The following DRC8 variants were observed in gnomAD, a reference collection of about 807,000 sequenced individuals.
DRC8 encodes the protein dynein regulatory complex subunit 8, also known as dynein regulatory complex protein 8.
At chr1:245,011,445 T>C in the DRC8 span, among the ~76,000 whole-genome samples, 2 of 152,256 alleles carry the variant, frequency 1.3e-5, no homozygotes, top group African/African-American at 4.8e-5. Context: ...CCAGAATACC[T>C]GTGTCAGCTG....
At chr1:244,979,662 G>A in the DRC8 span, among the ~76,000 whole-genome samples, 47 of 151,618 alleles carry the variant, frequency 3.1e-4, no homozygotes, top group Admixed American at 9.9e-4. Context: ...GGCTGGTCTG[G>A]AACTCCTGAC....
chr1:245,023,946 G>A, the DRC8 span, among the ~76,000 whole-genome samples: 1 of 152,160 alleles, frequency 6.6e-6, no homozygotes, highest in South Asian at 2.1e-4. Flanking sequence ...GAGGTGGGCA[G>A]ATCACCTGAG....
the DRC8 span, among the ~76,000 whole-genome samples, chr1:245,023,678 C>T: frequency 1.3e-5 from 2 of 152,124 alleles, no homozygotes; most frequent in East Asian, 1.9e-4. Flanking sequence ...AACATCTTTT[C>T]ATGTACTTAT....
At chr1:245,047,953 TGA>T in the DRC8 span, among the ~76,000 whole-genome samples, 2 of 127,860 alleles carry the variant, frequency 1.6e-5, no homozygotes, top group African/African-American at 6.1e-5. Flanking sequence ...CCAGCCTGGG[TGA>T]GAGAGCTGGA....
the DRC8 span, among the ~76,000 whole-genome samples, chr1:245,108,013 C>T: frequency 6.6e-6 from 1 of 152,162 alleles, no homozygotes; most frequent in African/African-American, 2.4e-5. Flanking sequence ...CCTCCATGCT[C>T]TCCCCTTGAC....
chr1:245,051,427 T>C, the DRC8 span, among the ~76,000 whole-genome samples: 1 of 151,816 alleles, frequency 6.6e-6, no homozygotes, highest in East Asian at 1.9e-4. Flanking sequence ...AAACCATCGA[T>C]ATTATTTTGC....
At chr1:244,993,944 A>AT in the DRC8 span, among the ~76,000 whole-genome samples, 1,384 of 150,146 alleles carry the variant, frequency 9.2e-3, 22 homozygotes, top group South Asian at 0.02. Context: ...TTGGGGATAC[A>AT]TTTTTTTTTT....
At chr1:245,081,877 CT>C in the DRC8 span, among the ~76,000 whole-genome samples, 2 of 152,162 alleles carry the variant, frequency 1.3e-5, no homozygotes, top group Non-Finnish European at 2.9e-5. Flanking sequence ...GTCTGTCTCC[CT>C]GATCAGAGTA....
At chr1:245,114,692 G>T in the DRC8 span, among the ~76,000 whole-genome samples, 6 of 152,248 alleles carry the variant, frequency 3.9e-5, no homozygotes, top group East Asian at 1.2e-3. Flanking sequence ...GTGTAGTAAA[G>T]GGAGAGGCTA....
At chr1:245,025,288 GT>G in the DRC8 span, among the ~76,000 whole-genome samples, 1 of 151,990 alleles carries the variant, frequency 6.6e-6, no homozygotes, top group Non-Finnish European at 1.5e-5. Flanking sequence ...AACAAATCCA[GT>G]TTTTTTGTAA....
chr1:244,978,959 A>G, the DRC8 span, among the ~76,000 whole-genome samples: 1 of 151,976 alleles, frequency 6.6e-6, no homozygotes, highest in African/African-American at 2.4e-5. Flanking sequence ...TAGGCAGCTA[A>G]GGAGACAATG....
the DRC8 span, among the ~76,000 whole-genome samples, chr1:245,050,881 T>G: frequency 6.6e-6 from 1 of 152,140 alleles, no homozygotes; most frequent in Non-Finnish European, 1.5e-5. Context: ...CTGAAATATT[T>G]TATTTTTTTA....
chr1:245,045,703 A>C, the DRC8 span, among the ~76,000 whole-genome samples: 1 of 152,094 alleles, frequency 6.6e-6, no homozygotes, highest in East Asian at 1.9e-4. Context: ...GGGTGAAGTT[A>C]CAAAGTTATA....
the DRC8 span, chr1:245,083,320 G>A: frequency 2.4e-6 from 2 of 846,306 alleles, no homozygotes; most frequent in Non-Finnish European, 3.9e-6. Flanking sequence ...CCCCTGGTCT[G>A]TGGAAGAATT....
the DRC8 span, among the ~76,000 whole-genome samples, chr1:245,092,720 C>G: frequency 6.6e-6 from 1 of 152,126 alleles, no homozygotes; most frequent in African/African-American, 2.4e-5. Flanking sequence ...CTACCTGGGG[C>G]TCTGATATTG....
At chr1:244,993,813 C>T in the DRC8 span, among the ~76,000 whole-genome samples, 14 of 152,192 alleles carry the variant, frequency 9.2e-5, no homozygotes, top group East Asian at 1.9e-4. Flanking sequence ...CTATAACATA[C>T]GTGCTCCTAA....
At chr1:245,017,841 G>C in the DRC8 span, among the ~76,000 whole-genome samples, 2 of 152,120 alleles carry the variant, frequency 1.3e-5, no homozygotes, top group Admixed American at 6.5e-5. Context: ...GGAGGACACA[G>C]CTTGGGACTG....
chr1:245,103,271 A>G, the DRC8 span, among the ~76,000 whole-genome samples: 2 of 1,694 alleles, frequency 1.2e-3, no homozygotes. Flanking sequence ...GTGGTCCTCT[A>G]TGGTCAGGAG....
the DRC8 span, among the ~76,000 whole-genome samples, chr1:245,084,817 C>T: frequency 6.6e-6 from 1 of 152,200 alleles, no homozygotes; most frequent in African/African-American, 2.4e-5. Flanking sequence ...TTTGACCATT[C>T]CAGCTTCATC....
Sources: gnomAD v4.1 joint callset for allele counts (sites outside exome capture counted in the v4.1 genomes callset) on GRCh38, gnomAD v4.1.1 for gene constraint, MANE v1.5 for transcripts, NCBI Gene and HGNC (gene_info 2026-07-23, HGNC 2026-07-21) for gene names.